The following EBF1 variants were observed in gnomAD, a reference collection of about 807,000 sequenced individuals.
EBF1 encodes the protein EBF transcription factor 1.
A neutral mutation model predicts 68.4 loss-of-function variants in EBF1; 10 were observed. That is an observed-to-expected ratio of 0.15 (90% CI 0.09 to 0.25). The LOEUF (loss-of-function observed/expected upper bound fraction) is 0.25. Ranked by LOEUF, EBF1 falls within the 10% of genes least tolerant of loss-of-function variation. The pLI, the probability that EBF1 is intolerant of heterozygous loss-of-function variation, is 1.00. For missense variants in EBF1, 509 were observed against 794.4 expected, an observed-to-expected ratio of 0.64 and a Z score of 4.32; for synonymous variants, 298 against 299.8, an observed-to-expected ratio of 0.99 and a Z score of 0.06.
intron 6 of EBF1, among the ~76,000 whole-genome samples, chr5:158,968,672 G>C (rs186251983): frequency 6.6e-4 from 100 of 152,272 alleles, no homozygotes; most frequent in Non-Finnish European, 1.2e-3. Flanking sequence ...AAAAAGAGAA[G>C]GGGCCTCAAA....
At chr5:159,032,945 A>C (rs1769219241) in intron 6 of EBF1, among the ~76,000 whole-genome samples, 1 of 152,132 alleles carries the variant, frequency 6.6e-6, no homozygotes, top group South Asian at 2.1e-4. Context: ...CTTAAAAAAA[A>C]AATCAAGTAT....
At chr5:158,764,349 C>G (rs1772176121) in intron 10 of EBF1, among the ~76,000 whole-genome samples, 1 of 152,216 alleles carries the variant, frequency 6.6e-6, no homozygotes, top group Admixed American at 6.5e-5. Context: ...CTTTAAAACT[C>G]TGTAAGCCTT....
chr5:158,745,209 C>T (rs1767281997), intron 10 of EBF1, among the ~76,000 whole-genome samples: 3 of 152,100 alleles, frequency 2.0e-5, no homozygotes, highest in African/African-American at 2.4e-5. Context: ...TGGCCACTTC[C>T]GCAATAACCC....
intron 6 of EBF1, among the ~76,000 whole-genome samples, chr5:159,022,885 C>T (rs933911887): frequency 1.3e-5 from 2 of 152,052 alleles, no homozygotes; most frequent in South Asian, 2.1e-4. Context: ...AGAAGAAGTA[C>T]TCGAAGTTTT....
At chr5:158,933,078 T>A (rs748885822) in intron 6 of EBF1, among the ~76,000 whole-genome samples, 9 of 152,240 alleles carry the variant, frequency 5.9e-5, no homozygotes, top group Non-Finnish European at 1.2e-4. Flanking sequence ...TTTACTCTTT[T>A]GTTTTTTTAA....
At chr5:158,963,794 T>TC (rs1472499659) in intron 6 of EBF1, among the ~76,000 whole-genome samples, 8 of 152,112 alleles carry the variant, frequency 5.3e-5, no homozygotes, top group Non-Finnish European at 1.2e-4. Context: ...CTGCACAATT[T>TC]CTAGTGTAAA....
chr5:158,718,215 A>C (rs1034893004), intron 11 of EBF1, among the ~76,000 whole-genome samples: 1 of 152,172 alleles, frequency 6.6e-6, no homozygotes, highest in Non-Finnish European at 1.5e-5. Flanking sequence ...TTCAGGGCAC[A>C]TTATCTTCCC....
intron 6 of EBF1, among the ~76,000 whole-genome samples, chr5:158,866,705 C>T (rs1795925689): frequency 6.6e-6 from 1 of 151,432 alleles, no homozygotes; most frequent in African/African-American, 2.4e-5. Flanking sequence ...AGCTTTGTCG[C>T]CGTTAACAAA....
chr5:158,898,617 A>G (rs1802642102), intron 6 of EBF1, among the ~76,000 whole-genome samples: 1 of 152,126 alleles, frequency 6.6e-6, no homozygotes, highest in Non-Finnish European at 1.5e-5. Flanking sequence ...TTCACATCAC[A>G]TTTTCATTTC....
At chr5:158,902,238 CAAT>C (rs1412491284) in intron 6 of EBF1, among the ~76,000 whole-genome samples, 1 of 152,118 alleles carries the variant, frequency 6.6e-6, no homozygotes, top group African/African-American at 2.4e-5. Context: ...AAGCTAATAA[CAAT>C]GTCTCCCATG....
At chr5:159,034,743 C>A (rs962018398) in intron 6 of EBF1, among the ~76,000 whole-genome samples, 1 of 152,170 alleles carries the variant, frequency 6.6e-6, no homozygotes, top group African/African-American at 2.4e-5. Flanking sequence ...CTGCAGATTT[C>A]TTTGTCCTGG....
At position 158,791,386 on chromosome 5, in the gene EBF1, T is replaced by C. The variant is rs759794909; in HGVS notation, c.909+4959A>G. Among the ~76,000 whole-genome samples, 19 of 150,830 alleles carry C rather than the reference T, an allele frequency of 1.3e-4. 1 individual carries two copies. The highest frequency in any genetic ancestry group is 7.1e-3 in the Middle Eastern group (2 of 282). On this transcript the variant is annotated intron_variant, in intron 9 of 15. Coordinates refer to ENST00000313708, the MANE Select transcript of EBF1 (RefSeq NM_024007.5). ...GATTTCAAAGAGGATATAGACTAAGTCTTTCATTTTCAGATGAGAAACTGA... is the reference window on the plus strand; with the variant it reads ...GATTTCAAAGAGGATATAGACTAAGCCTTTCATTTTCAGATGAGAAACTGA...
chr5:159,039,193 A>G (rs1770699575), intron 6 of EBF1, among the ~76,000 whole-genome samples: 1 of 152,202 alleles, frequency 6.6e-6, no homozygotes, highest in Non-Finnish European at 1.5e-5. Context: ...ATTCTGCAAA[A>G]TGGCACAGCA....
At chr5:158,784,276 T>G (rs1430507094) in intron 9 of EBF1, among the ~76,000 whole-genome samples, 1 of 152,244 alleles carries the variant, frequency 6.6e-6, no homozygotes, top group Non-Finnish European at 1.5e-5. Flanking sequence ...CCAGTCGGCC[T>G]GACTAATGAC....
intron 10 of EBF1, among the ~76,000 whole-genome samples, chr5:158,758,021 C>T (rs1415502492): frequency 1.3e-5 from 2 of 152,130 alleles, no homozygotes; most frequent in African/African-American, 4.8e-5. Flanking sequence ...ATAACAGCTA[C>T]CATTTTTTGA....
chr5:158,889,263 G>A (rs1800675561), intron 6 of EBF1, among the ~76,000 whole-genome samples: 1 of 152,182 alleles, frequency 6.6e-6, no homozygotes, highest in African/African-American at 2.4e-5. Flanking sequence ...GATGGCAAGT[G>A]GTGAGGATGG....
chr5:158,999,474 A>G (rs1325775683), intron 6 of EBF1, among the ~76,000 whole-genome samples: 2 of 152,246 alleles, frequency 1.3e-5, no homozygotes, highest in Non-Finnish European at 2.9e-5. Context: ...GTTTTCAGTT[A>G]GAGAACAGAA....
At chr5:159,039,794 A>G (rs1770810377) in intron 6 of EBF1, among the ~76,000 whole-genome samples, 1 of 152,328 alleles carries the variant, frequency 6.6e-6, no homozygotes, top group East Asian at 1.9e-4. Flanking sequence ...AGACTTGGGC[A>G]GGGAGTAAAA....
chr5:158,857,219 C>G (rs191964603), intron 6 of EBF1, among the ~76,000 whole-genome samples: 15 of 151,714 alleles, frequency 9.9e-5, no homozygotes, highest in African/African-American at 3.6e-4. Context: ...CTATGGCTCT[C>G]TCCTGGCAAA....
Sources: gnomAD v4.1 joint callset for allele counts (sites outside exome capture counted in the v4.1 genomes callset) on GRCh38, gnomAD v4.1.1 for gene constraint, MANE v1.5 for transcripts, NCBI Gene and HGNC (gene_info 2026-07-23, HGNC 2026-07-21) for gene names.